Variants in SNTB1 observed in about 807,000 individuals in gnomAD.
SNTB1 encodes the protein syntrophin beta 1.
A neutral mutation model predicts 48.9 loss-of-function variants in SNTB1; 36 were observed. That is an observed-to-expected ratio of 0.74 (90% CI 0.56 to 0.97). SNTB1 has a LOEUF of 0.97. SNTB1 is among the 50% of genes least tolerant of loss of function. The pLI, the probability that SNTB1 is intolerant of heterozygous loss-of-function variation, is 0.00. For missense variants in SNTB1, 786 were observed against 703.4 expected (o/e 1.12, Z -1.33); for synonymous variants, 299 against 294.6 (o/e 1.01, Z -0.15).
chr8:120,627,736 T>A (rs189444360), intron 3 of SNTB1, among the ~76,000 whole-genome samples: 19 of 152,340 alleles, frequency 1.2e-4, no homozygotes, highest in African/African-American at 4.3e-4. Context: ...GCTCTGAAGC[T>A]GTGCTTTTGG....
intron 2 of SNTB1, among the ~76,000 whole-genome samples, chr8:120,678,091 A>C (rs1029620650): frequency 6.6e-6 from 1 of 152,186 alleles, no homozygotes; most frequent in African/African-American, 2.4e-5. Flanking sequence ...GGTGAAAAAA[A>C]CACCACATTA....
intron 2 of SNTB1, among the ~76,000 whole-genome samples, chr8:120,690,957 C>T (rs1453801266): frequency 6.6e-6 from 1 of 152,192 alleles, no homozygotes; most frequent in Non-Finnish European, 1.5e-5. Flanking sequence ...TTGATTCTGC[C>T]CTGCTGGTTC....
intron 1 of SNTB1, among the ~76,000 whole-genome samples, chr8:120,782,044 T>G (rs1442245125): frequency 6.6e-6 from 1 of 152,212 alleles, no homozygotes; most frequent in African/African-American, 2.4e-5. Flanking sequence ...TGAGCAGGGT[T>G]GGTTCCCTCT....
intron 1 of SNTB1, among the ~76,000 whole-genome samples, chr8:120,723,356 C>T (rs1057151600): frequency 4.6e-5 from 7 of 152,148 alleles, no homozygotes; most frequent in Non-Finnish European, 8.8e-5. Context: ...ACGATTTATA[C>T]TTAGAAAAGA....
At chr8:120,788,201 C>T (rs891956060) in intron 1 of SNTB1, among the ~76,000 whole-genome samples, 3 of 152,032 alleles carry the variant, frequency 2.0e-5, no homozygotes, top group African/African-American at 7.2e-5. Context: ...CAATTCTAGA[C>T]CAGCCCTACA....
At chr8:120,640,426 G>A (rs1350602107) in intron 2 of SNTB1, among the ~76,000 whole-genome samples, 2 of 152,196 alleles carry the variant, frequency 1.3e-5, no homozygotes, top group Non-Finnish European at 2.9e-5. Flanking sequence ...TCGAATAGGA[G>A]TGATGAGAGA....
chr8:120,589,542 C>G (rs1816204801), intron 3 of SNTB1, among the ~76,000 whole-genome samples: 1 of 152,156 alleles, frequency 6.6e-6, no homozygotes, highest in South Asian at 2.1e-4. Flanking sequence ...GTTGCTTAAA[C>G]AACAACATTA....
At chr8:120,716,856 G>A (rs1236595631) in intron 1 of SNTB1, among the ~76,000 whole-genome samples, 1 of 152,124 alleles carries the variant, frequency 6.6e-6, no homozygotes, top group Non-Finnish European at 1.5e-5. Context: ...TAATTCACAT[G>A]AGGGCAAAGG....
chr8:120,736,054 A>G (rs1372388121), intron 1 of SNTB1, among the ~76,000 whole-genome samples: 2 of 152,164 alleles, frequency 1.3e-5, no homozygotes, highest in African/African-American at 4.8e-5. Flanking sequence ...GAAATTTTCA[A>G]TCATGGTGGA....
chr8:120,708,347 C>A (rs1034612597), intron 1 of SNTB1, among the ~76,000 whole-genome samples: 6 of 151,726 alleles, frequency 4.0e-5, no homozygotes, highest in Non-Finnish European at 8.8e-5. Flanking sequence ...AATACTAGAA[C>A]CAGAGCTTAT....
intron 2 of SNTB1, among the ~76,000 whole-genome samples, chr8:120,633,067 A>G (rs1314689237): frequency 1.3e-5 from 2 of 152,214 alleles, no homozygotes; most frequent in African/African-American, 2.4e-5. Flanking sequence ...AGATTGAAAT[A>G]TATCTAGCCA....
At chr8:120,718,271 A>T (rs1424667869) in intron 1 of SNTB1, among the ~76,000 whole-genome samples, 1 of 152,128 alleles carries the variant, frequency 6.6e-6, no homozygotes, top group Non-Finnish European at 1.5e-5. Flanking sequence ...GCTTTCAGAA[A>T]ACCTCTAGGC....
chr8:120,769,500 C>T (rs7005061), intron 1 of SNTB1: 69,592 of 151,966 alleles, frequency 0.46, 19,238 homozygotes, highest in African/African-American at 0.78. Flanking sequence ...CAGAGACTAG[C>T]AGCTTCCACT....
At chr8:120,612,431 T>C (rs897634960) in intron 3 of SNTB1, among the ~76,000 whole-genome samples, 1 of 152,160 alleles carries the variant, frequency 6.6e-6, no homozygotes, top group Non-Finnish European at 1.5e-5. Flanking sequence ...TATACAGTGG[T>C]GGTTATTAAA....
intron 1 of SNTB1, among the ~76,000 whole-genome samples, chr8:120,770,398 C>T (rs1479229310): frequency 7.6e-6 from 1 of 131,916 alleles, no homozygotes; most frequent in Non-Finnish European, 1.7e-5. Flanking sequence ...AGTAATAAAG[C>T]ATTTTTTTTT....
At chr8:120,596,808 T>C (rs1366182233) in intron 3 of SNTB1, among the ~76,000 whole-genome samples, 1 of 152,226 alleles carries the variant, frequency 6.6e-6, no homozygotes, top group African/African-American at 2.4e-5. Context: ...GGAAAGCGTC[T>C]TTTCTTTTAA....
intron 2 of SNTB1, among the ~76,000 whole-genome samples, chr8:120,688,608 G>A (rs1473503037): frequency 6.6e-6 from 1 of 151,976 alleles, no homozygotes; most frequent in Non-Finnish European, 1.5e-5. Context: ...TGACACAGAA[G>A]GTATAACAAG....
At chr8:120,772,060 A>G (rs1819644818) in intron 1 of SNTB1, among the ~76,000 whole-genome samples, 1 of 151,628 alleles carries the variant, frequency 6.6e-6, no homozygotes, top group Non-Finnish European at 1.5e-5. Flanking sequence ...AGTAGAGACA[A>G]GGTTTCACCA....
At position 120,693,731 on chromosome 8, in the gene SNTB1, T is replaced by C. The variant is rs1437543800; in HGVS notation, c.749A>G (p.Tyr250Cys). The C allele has an allele frequency of 1.9e-6, 3 of 1,613,930 alleles. No individual in the cohort carries two copies. Among genetic ancestry groups the C allele is most frequent in the African/African-American group, 1.3e-5 (1 of 75,020 alleles). Residue 250 changes from tyrosine (Y) to cysteine (C), a missense_variant, in exon 2 of 7, where the codon TAC (tyrosine) becomes TGC (cysteine). Coordinates refer to ENST00000517992, the MANE Select transcript of SNTB1 (RefSeq NM_021021.4). Reference sequence around the variant, plus strand: ...GGCCAAGGCCATACTCCGAGTGACGTAGCACATTTTGAGGGGGATGCTTTT... The same window carrying C: ...GGCCAAGGCCATACTCCGAGTGACGCAGCACATTTTGAGGGGGATGCTTTT... Reference protein sequence around the residue: ...DRKSIPLKMCYVTRSMALADP... With the variant: ...DRKSIPLKMCCVTRSMALADP...
Sources: allele counts gnomAD v4.1 joint callset (sites outside exome capture counted in the v4.1 genomes callset), GRCh38; gene constraint gnomAD v4.1.1; transcripts MANE v1.5; gene names NCBI Gene and HGNC (gene_info 2026-07-23, HGNC 2026-07-21).